SNX13: variants seen among roughly 807,000 people sequenced by gnomAD.
SNX13 encodes the protein sorting nexin 13, also known as sorting nexin-13.
A neutral mutation model predicts 133.6 loss-of-function variants in SNX13; 45 were observed. The observed-to-expected ratio is 0.34, with a 90% CI of 0.27 to 0.43. The LOEUF (loss-of-function observed/expected upper bound fraction) is 0.43. Ranked by LOEUF, SNX13 falls within the 20% of genes least tolerant of loss-of-function variation. SNX13 has a pLI of 1.00. For synonymous variants in SNX13, 414 were observed against 373.9 expected (o/e 1.11, Z -1.24); for missense variants, 1,032 against 1,145.1 (o/e 0.90, Z 1.43).
At chr7:17,889,777 T>C (rs988385521) in intron 5 of SNX13, 3 of 152,196 alleles carry the variant, frequency 2.0e-5, no homozygotes, top group Non-Finnish European at 2.9e-5. Context: ...AAGCAGTATA[T>C]AGCTGGTTTG....
intron 15 of SNX13, among the ~76,000 whole-genome samples, chr7:17,833,438 A>T (rs1407072974): frequency 6.6e-6 from 1 of 151,700 alleles, no homozygotes; most frequent in Non-Finnish European, 1.5e-5. Flanking sequence ...CAGTTGGACA[A>T]CTTCACACAG....
chr7:17,841,433 A>G (rs1789861797), intron 12 of SNX13, among the ~76,000 whole-genome samples: 2 of 152,074 alleles, frequency 1.3e-5, no homozygotes. Context: ...GATCCTTAGC[A>G]TAAACAGCCT....
intron 1 of SNX13, among the ~76,000 whole-genome samples, chr7:17,919,954 G>C (rs1029097442): frequency 1.3e-5 from 2 of 152,088 alleles, no homozygotes; most frequent in African/African-American, 4.8e-5. Flanking sequence ...AACAGTGTAA[G>C]ACCCCCATCT....
At chr7:17,834,428 G>A (rs1788893614) in intron 14 of SNX13, among the ~76,000 whole-genome samples, 1 of 151,650 alleles carries the variant, frequency 6.6e-6, no homozygotes. Context: ...TGTTTTCTAA[G>A]AAACAAGTAC....
intron 9 of SNX13, among the ~76,000 whole-genome samples, chr7:17,856,237 T>C (rs1303325727): frequency 6.6e-6 from 1 of 152,264 alleles, no homozygotes; most frequent in Non-Finnish European, 1.5e-5. Flanking sequence ...AAAGTTAATT[T>C]GTCATCAGTT....
At chr7:17,884,503 G>C (rs376815550) in intron 5 of SNX13, among the ~76,000 whole-genome samples, 3 of 152,036 alleles carry the variant, frequency 2.0e-5, no homozygotes, top group African/African-American at 4.8e-5. Flanking sequence ...ATTTTGTATA[G>C]GCAGCCACTA....
chr7:17,813,952 G>A (rs1400788024), intron 20 of SNX13, among the ~76,000 whole-genome samples: 1 of 152,000 alleles, frequency 6.6e-6, no homozygotes, highest in African/African-American at 2.4e-5. Flanking sequence ...TAAAAAGATG[G>A]TCTTTTTAGG....
chr7:17,833,430 G>C (rs1427513793), intron 15 of SNX13, among the ~76,000 whole-genome samples: 1 of 151,678 alleles, frequency 6.6e-6, no homozygotes, highest in African/African-American at 2.4e-5. Flanking sequence ...AATTTAAGCA[G>C]TTGGACAACT....
intron 1 of SNX13, among the ~76,000 whole-genome samples, chr7:17,900,745 T>G (rs1210613575): frequency 1.3e-5 from 2 of 152,066 alleles, no homozygotes; most frequent in African/African-American, 4.8e-5. Flanking sequence ...CATGAGATGC[T>G]ATACAAGAGC....
At chr7:17,893,230 T>A in intron 3 of SNX13, 102 bp downstream of exon 3, 1 of 704,070 alleles carries the variant, frequency 1.4e-6, no homozygotes, top group Middle Eastern at 2.3e-4. Context: ...TGAGCATTAG[T>A]AAACTATACG....
intron 9 of SNX13, among the ~76,000 whole-genome samples, chr7:17,859,566 A>T (rs1368131675): frequency 6.6e-6 from 1 of 152,150 alleles, no homozygotes; most frequent in Non-Finnish European, 1.5e-5. Flanking sequence ...TTATCACCTT[A>T]AACAATTTAA....
At chr7:17,859,793 T>G (rs1583512569) in intron 9 of SNX13, among the ~76,000 whole-genome samples, 1 of 152,206 alleles carries the variant, frequency 6.6e-6, no homozygotes, top group East Asian at 1.9e-4. Context: ...TAACACAGTA[T>G]TCTCAAGGTT....
intron 8 of SNX13, among the ~76,000 whole-genome samples, chr7:17,871,161 A>G (rs1238802794): frequency 6.6e-6 from 1 of 151,912 alleles, no homozygotes; most frequent in East Asian, 1.9e-4. Flanking sequence ...GCCTGCCACC[A>G]TGCCCAGCTA....
intron 16 of SNX13, among the ~76,000 whole-genome samples, chr7:17,827,042 C>A (rs1243733290): frequency 1.3e-5 from 2 of 152,092 alleles, no homozygotes; most frequent in Non-Finnish European, 2.9e-5. Flanking sequence ...CACCTACTTT[C>A]CTTCTAGGAG....
chr7:17,846,177 A>G (rs1030490976), intron 11 of SNX13, among the ~76,000 whole-genome samples: 1 of 151,900 alleles, frequency 6.6e-6, no homozygotes, highest in Non-Finnish European at 1.5e-5. Flanking sequence ...TTTTTTTTCC[A>G]GACTCTCTAA....
At chr7:17,868,960 G>C (rs1161281487) in intron 8 of SNX13, among the ~76,000 whole-genome samples, 1 of 151,960 alleles carries the variant, frequency 6.6e-6, no homozygotes, top group African/African-American at 2.4e-5. Context: ...AATGTCTACT[G>C]TATTATTCTC....
intron 5 of SNX13, among the ~76,000 whole-genome samples, chr7:17,878,137 G>T (rs1424766345): frequency 1.3e-5 from 2 of 151,986 alleles, no homozygotes; most frequent in Non-Finnish European, 2.9e-5. Context: ...TTACTACATA[G>T]CTTTCTATTA....
intron 1 of SNX13, among the ~76,000 whole-genome samples, chr7:17,937,101 A>C (rs1289366231): frequency 6.6e-6 from 1 of 151,748 alleles, no homozygotes; most frequent in Non-Finnish European, 1.5e-5. Context: ...TACATACATA[A>C]ATATGACTAG....
intron 12 of SNX13, among the ~76,000 whole-genome samples, chr7:17,840,579 T>A (rs1199981784): frequency 6.6e-6 from 1 of 152,132 alleles, no homozygotes; most frequent in African/African-American, 2.4e-5. Context: ...CAATGAATTT[T>A]AATTTGCATT....
Sources: allele counts gnomAD v4.1 joint callset (sites outside exome capture counted in the v4.1 genomes callset), GRCh38; gene constraint gnomAD v4.1.1; transcripts MANE v1.5; gene names NCBI Gene and HGNC (gene_info 2026-07-23, HGNC 2026-07-21).